SLC15A2: variants seen among roughly 807,000 people sequenced by gnomAD.
The protein encoded by SLC15A2 is solute carrier family 15 member 2.
In SLC15A2, 77 loss-of-function variants were observed where a neutral mutation model predicts 95.5. The ratio of observed to expected loss-of-function variants is 0.81; its 90% confidence interval spans 0.67 to 0.97. SLC15A2 has a LOEUF of 0.97. Among genes scored for constraint, SLC15A2 ranks in the 50% least tolerant of loss-of-function variants. SLC15A2 has a pLI of 0.00. For synonymous variants in SLC15A2, 306 were observed against 306.9 expected (o/e 1.00, Z 0.03); for missense variants, 893 against 874.4 (o/e 1.02, Z -0.27).
chr3:121,923,375 G>A, intron 11 of SLC15A2, 109 bp downstream of exon 11: 3 of 1,122,478 alleles, frequency 2.7e-6, no homozygotes, highest in South Asian at 2.8e-5. Flanking sequence ...GATCTTCAGA[G>A]AAGTGCTTTT....
intron 3 of SLC15A2, among the ~76,000 whole-genome samples, chr3:121,908,310 G>T (rs1278358505): frequency 6.6e-6 from 1 of 152,220 alleles, no homozygotes; most frequent in Non-Finnish European, 1.5e-5. Context: ...GGCTAGGAAA[G>T]GGAAATCCCC....
intron 3 of SLC15A2, among the ~76,000 whole-genome samples, chr3:121,907,213 G>A (rs1281297452): frequency 6.6e-6 from 1 of 152,132 alleles, no homozygotes; most frequent in African/African-American, 2.4e-5. Context: ...GTCATTTAAA[G>A]TCTTCTCTGC....
At chr3:121,939,266 G>C in intron 19 of SLC15A2, 83 bp from the exon 20 acceptor site, 1 of 1,088,066 alleles carries the variant, frequency 9.2e-7, no homozygotes, top group Middle Eastern at 2.2e-4. Context: ...AAAAAGGATG[G>C]ATATAAGATC....
In SLC15A2 at chr3:121,894,580, C is replaced by T. The variant is rs760429670; in HGVS notation, c.104C>T (p.Pro35Leu). 8.7e-5 allele frequency: 141 copies of T among 1,611,480 alleles called. No homozygotes were observed. The highest frequency in any genetic ancestry group is 2.7e-4 in the East Asian group (12 of 44,860). ...CCTAGCCCTCCAAAGAAGCCATCTC[C>T]GGTGAGTCCTTAGATTCAATCCTGC... ...RPPSPPKKPS[P>L]TICGSNYPLS... The change falls in exon 1 of 22, where the codon CCG becomes CTG. Residue 35 changes from proline to leucine, a missense_variant and splice_region_variant. Coordinates refer to ENST00000489711, the MANE Select transcript of SLC15A2 (RefSeq NM_021082.4).
chr3:121,914,266 A>G (rs1443301655), intron 5 of SLC15A2, among the ~76,000 whole-genome samples: 1 of 152,204 alleles, frequency 6.6e-6, no homozygotes, highest in Non-Finnish European at 1.5e-5. Context: ...GAAAATGGGG[A>G]AGGACTCGTT....
At chr3:121,938,332 G>T (rs1467226229) in intron 19 of SLC15A2, among the ~76,000 whole-genome samples, 1 of 152,266 alleles carries the variant, frequency 6.6e-6, no homozygotes, top group South Asian at 2.1e-4. Context: ...ACCTAAGCAA[G>T]CCTGGGCAAT....
intron 19 of SLC15A2, among the ~76,000 whole-genome samples, chr3:121,938,814 C>T (rs1378379750): frequency 1.3e-5 from 2 of 152,210 alleles, no homozygotes; most frequent in South Asian, 2.1e-4. Flanking sequence ...TTTTAACCCT[C>T]CTGGCCAAAA....
At chr3:121,897,221 C>T (rs1016610739) in intron 2 of SLC15A2, among the ~76,000 whole-genome samples, 167 bp from the exon 3 acceptor site, 4 of 151,938 alleles carry the variant, frequency 2.6e-5, no homozygotes, top group Non-Finnish European at 1.5e-5. Flanking sequence ...CCCATGGGGC[C>T]CTGCTTCTAC....
chr3:121,921,912 C>T lies in SLC15A2; in HGVS notation c.698-308C>T, dbSNP rs116571386. On this transcript the variant is annotated intron_variant, in intron 7 of 21. Coordinates refer to ENST00000489711, the MANE Select transcript of SLC15A2 (RefSeq NM_021082.4). ...AAGAAGTCAAAGATGACTTCCACTT[C>T]TGTGATTACATGAAAGTCTCAATAG... Among the ~76,000 whole-genome samples the T allele has an allele frequency of 6.0e-3, 915 of 152,312 alleles. 11 individuals carry two copies. The highest frequency in any genetic ancestry group is 0.021 in the African/African-American group (875 of 41,572).
chr3:121,928,932 A>G (rs1203959277), intron 15 of SLC15A2, 50 bp from the exon 16 acceptor site: 1 of 1,584,374 alleles, frequency 6.3e-7, no homozygotes, highest in Admixed American at 1.7e-5. Flanking sequence ...GATGTCCAAT[A>G]TGCAGTAGAA....
At chr3:121,926,992 T>C (rs2107601292) in intron 13 of SLC15A2, among the ~76,000 whole-genome samples, 1 of 152,384 alleles carries the variant, frequency 6.6e-6, no homozygotes, top group South Asian at 2.1e-4. Flanking sequence ...CCCATTTGTT[T>C]TGGCCAGTTT....
At chr3:121,908,260 T>A (rs539838828) in intron 3 of SLC15A2, among the ~76,000 whole-genome samples, 29 of 151,992 alleles carry the variant, frequency 1.9e-4, no homozygotes, top group Non-Finnish European at 3.8e-4. Flanking sequence ...TGGGTGGGAG[T>A]GTTGCGATTT....
chr3:121,905,078 G>A (rs1044364224), intron 3 of SLC15A2, among the ~76,000 whole-genome samples: 1 of 152,180 alleles, frequency 6.6e-6, no homozygotes, highest in Non-Finnish European at 1.5e-5. Context: ...TTAGTCTTGG[G>A]AGGGTGTATG....
At chr3:121,929,434 C>G in intron 17 of SLC15A2, 86 bp downstream of exon 17, 1 of 1,418,260 alleles carries the variant, frequency 7.1e-7, no homozygotes, top group South Asian at 1.2e-5. Flanking sequence ...TCTACTTGTT[C>G]TGAACAGGAA....
chr3:121,896,922 G>A (rs1881996), intron 2 of SLC15A2, among the ~76,000 whole-genome samples: 23 of 130,134 alleles, frequency 1.8e-4, no homozygotes, highest in Admixed American at 6.3e-4. Flanking sequence ...AAAAAAAAGG[G>A]GGGGGAGGGA....
chr3:121,933,683 T>C (rs1156962494), intron 19 of SLC15A2, among the ~76,000 whole-genome samples: 5 of 152,112 alleles, frequency 3.3e-5, no homozygotes, highest in Non-Finnish European at 7.4e-5. Flanking sequence ...GATGAGTAGG[T>C]TGCGAAAATT....
At chr3:121,926,008 T>A (rs912759204) in intron 13 of SLC15A2, among the ~76,000 whole-genome samples, 6 of 151,712 alleles carry the variant, frequency 4.0e-5, no homozygotes, top group Non-Finnish European at 8.8e-5. Flanking sequence ...AAAACCATCA[T>A]AAGCAAAGAT....
chr3:121,904,514 A>G (rs1292996064), intron 3 of SLC15A2, among the ~76,000 whole-genome samples: 1 of 152,130 alleles, frequency 6.6e-6, no homozygotes, highest in Admixed American at 6.6e-5. Flanking sequence ...TATTATTTTG[A>G]GATACGTTCC....
intron 19 of SLC15A2, 80 bp downstream of exon 19, chr3:121,931,815 C>T: frequency 1.2e-6 from 1 of 805,262 alleles, no homozygotes. Flanking sequence ...GGGCAGAAAA[C>T]AAAAGAGAAG....
Sources: allele counts gnomAD v4.1 joint callset (sites outside exome capture counted in the v4.1 genomes callset), GRCh38; gene constraint gnomAD v4.1.1; transcripts MANE v1.5; gene names NCBI Gene and HGNC (gene_info 2026-07-23, HGNC 2026-07-21).